The following ZNF717 variants were observed in gnomAD, a reference collection of about 807,000 sequenced individuals.
The protein encoded by ZNF717 is krueppel-like factor X17.
Under a neutral mutation model 13.8 loss-of-function variants are expected in ZNF717, and 9 were observed. That is an observed-to-expected ratio of 0.65 (90% CI 0.39 to 1.14). The LOEUF (loss-of-function observed/expected upper bound fraction) is 1.14, where lower values mean the gene tolerates loss of function less well. ZNF717 is among the 50% of genes most tolerant of loss of function. The pLI is 0.01. For missense variants in ZNF717, 1,040 were observed against 1,080.7 expected (o/e 0.96, Z 0.53); for synonymous variants, 327 against 364.1 (o/e 0.90, Z 1.16).
rs79432557 is a variant in ZNF717, at chr3:75,738,360, C to G, written c.1263G>C (p.Lys421Asn). The change falls in exon 5 of 5, where the codon AAG becomes AAC. Residue 421 changes from lysine to asparagine, a missense_variant. By Grantham distance (94) the Lys-to-Asn change is moderately conservative (BLOSUM62 0). Coordinates refer to ENST00000652011, the MANE Select transcript of ZNF717 (RefSeq NM_001290208.3). ...CTTCACAATGGTCACATGCATAGGGCTTTTCCCCTGTGTGAGTTCTATGAT... is the reference window on the plus strand; with the variant it reads ...CTTCACAATGGTCACATGCATAGGGGTTTTCCCCTGTGTGAGTTCTATGAT... ...TIHHRTHTGE[K>N]PYACDHCEEA... The G allele has an allele frequency of 8.3e-5, 122 of 1,472,002 alleles. No individual in the cohort carries two copies. Among genetic ancestry groups the G allele is most frequent in the Middle Eastern group, 1.7e-4 (1 of 5,804 alleles). The allele number at this position is 1,472,002 out of a possible 1,614,324, so 91.2% of individuals were successfully genotyped here. A position where few individuals can be genotyped will look rare whatever the true frequency, so the allele number is the denominator to read the frequency against.
At chr3:75,745,522 T>C (rs1575803540) in intron 2 of ZNF717, among the ~76,000 whole-genome samples, 1 of 146,776 alleles carries the variant, frequency 6.8e-6, no homozygotes, top group Non-Finnish European at 1.5e-5. Context: ...AAGAATGCAA[T>C]AGGTCATCAT....
At chr3:75,745,197 A>G (rs1483293228) in intron 2 of ZNF717, among the ~76,000 whole-genome samples, 3 of 148,716 alleles carry the variant, frequency 2.0e-5, no homozygotes, top group Non-Finnish European at 4.5e-5. Flanking sequence ...TACTTTATTA[A>G]TATTTATTTT....
At chr3:75,775,980 C>A (rs1305947643) in intron 2 of ZNF717, among the ~76,000 whole-genome samples, 3 of 152,144 alleles carry the variant, frequency 2.0e-5, no homozygotes, top group Non-Finnish European at 1.5e-5. Flanking sequence ...GCTAAATCAC[C>A]AATACTGAAA....
At chr3:75,747,499 A>G (rs553988825) in intron 2 of ZNF717, among the ~76,000 whole-genome samples, 18 of 152,254 alleles carry the variant, frequency 1.2e-4, no homozygotes, top group African/African-American at 3.8e-4. Flanking sequence ...TGAGCATGCA[A>G]TGTTCTTCTA....
At chr3:75,762,440 C>CA (rs36024450) in intron 2 of ZNF717, among the ~76,000 whole-genome samples, 1,856 of 116,440 alleles carry the variant, frequency 0.016, 30 homozygotes, top group African/African-American at 0.033. Context: ...GACTCCATCT[C>CA]AAAAAAAAAA....
At position 75,736,832 on chromosome 3, in the gene ZNF717, C is replaced by A. The variant is rs1436687311; in HGVS notation, c.*46G>T. 6 of 1,490,392 alleles carry A rather than the reference C, an allele frequency of 4.0e-6. No homozygotes were observed. Among genetic ancestry groups the A allele is most frequent in the African/African-American group, 1.4e-5 (1 of 70,886 alleles). The allele number at this position is 1,490,392 out of a possible 1,614,324, so 92.3% of individuals were successfully genotyped here. A position where few individuals can be genotyped will look rare whatever the true frequency, so the allele number is the denominator to read the frequency against. ...TGTGTCCATATTCTCCTAGACTGAG[C>A]ATGGAGAAATCTGTAATAGTAGCCA... is the stretch of plus-strand genomic sequence containing the variant. On this transcript the variant is annotated 3_prime_UTR_variant, in exon 5 of 5. Coordinates refer to ENST00000652011, the MANE Select transcript of ZNF717 (RefSeq NM_001290208.3).
At chr3:75,779,287 G>C (rs1382558386) in intron 2 of ZNF717, among the ~76,000 whole-genome samples, 2 of 151,546 alleles carry the variant, frequency 1.3e-5, no homozygotes, top group African/African-American at 2.4e-5. Context: ...AAAACAATGG[G>C]AGTGATCTGC....
intron 2 of ZNF717, among the ~76,000 whole-genome samples, chr3:75,746,980 G>A: frequency 6.6e-6 from 1 of 152,062 alleles, no homozygotes; most frequent in Non-Finnish European, 1.5e-5. Context: ...TTTCTTCTAG[G>A]GTTTTTATGG....
intron 2 of ZNF717, among the ~76,000 whole-genome samples, chr3:75,756,402 T>G (rs1942477175): frequency 1.3e-5 from 2 of 152,240 alleles, no homozygotes; most frequent in Non-Finnish European, 2.9e-5. Context: ...GTCTGCCACT[T>G]TAAACCAAAA....
chr3:75,737,149 T>A lies in ZNF717; in HGVS notation c.2474A>T (p.Gln825Leu). ...GTGATGTACAAAGAGTTTTGACTTCTGGGAGAAGGTTTTCCTACATTCTTT... is the reference window on the plus strand; with the variant it reads ...GTGATGTACAAAGAGTTTTGACTTCAGGGAGAAGGTTTTCCTACATTCTTT... ...ECKECRKTFS[Q>L]KSKLFVHHRT... The change falls in exon 5 of 5, where the codon CAG becomes CTG. Residue 825 changes from glutamine to leucine, a missense_variant. Coordinates refer to ENST00000652011, the MANE Select transcript of ZNF717 (RefSeq NM_001290208.3). 6.4e-7 allele frequency: 1 copy of A among 1,561,576 alleles called. No homozygotes were observed. Among genetic ancestry groups the A allele is most frequent in the Admixed American group, 1.9e-5 (1 of 51,748 alleles).
downstream of ZNF717, among the ~76,000 whole-genome samples, chr3:75,705,729 G>A (rs78343909): frequency 6.6e-6 from 1 of 152,308 alleles, no homozygotes; most frequent in African/African-American, 2.4e-5. Context: ...TGCCCTCTCT[G>A]GGAAGTGACA....
intron 2 of ZNF717, among the ~76,000 whole-genome samples, chr3:75,765,839 T>C (rs897057669): frequency 6.6e-6 from 1 of 152,258 alleles, no homozygotes; most frequent in Non-Finnish European, 1.5e-5. Context: ...CCAGGCATGG[T>C]GGCTCATGCC....
chr3:75,702,859 G>A (rs1937723683), intron 6 of ZNF717, among the ~76,000 whole-genome samples: 1 of 152,306 alleles, frequency 6.6e-6, no homozygotes, highest in African/African-American at 2.4e-5. Flanking sequence ...GTTAACTTTG[G>A]AATGTCCTTA....
At chr3:75,763,861 G>A (rs549421142) in intron 2 of ZNF717, among the ~76,000 whole-genome samples, 2 of 152,378 alleles carry the variant, frequency 1.3e-5, no homozygotes, top group Admixed American at 1.3e-4. Context: ...CTGATTTGAA[G>A]AGGATTTATT....
intron 2 of ZNF717, among the ~76,000 whole-genome samples, chr3:75,756,292 TTCTC>T (rs144203247): frequency 3.5e-5 from 5 of 144,404 alleles, no homozygotes; most frequent in African/African-American, 7.7e-5. Context: ...CCATTTCTCT[TTCTC>T]TCTTTTTCTC....
intron 1 of ZNF717, chr3:75,784,734 C>T (rs1396910366): frequency 9.2e-5 from 14 of 152,142 alleles, no homozygotes; most frequent in Admixed American, 9.2e-4. Context: ...CTTGTGCATT[C>T]TAGGGAGTAG....
chr3:75,705,504 C>T (rs79938548), downstream of ZNF717, among the ~76,000 whole-genome samples: 5 of 151,922 alleles, frequency 3.3e-5, no homozygotes, highest in Non-Finnish European at 7.4e-5. Flanking sequence ...GTTCAAGCAC[C>T]CCATAAGAAC....
downstream of ZNF717, among the ~76,000 whole-genome samples, chr3:75,706,125 C>A (rs1575713370): frequency 6.6e-6 from 1 of 152,310 alleles, no homozygotes; most frequent in African/African-American, 2.4e-5. Flanking sequence ...CATTTGACTC[C>A]TTGAAGGAAT....
At chr3:75,726,199 T>C (rs1301427705), downstream of ZNF717, among the ~76,000 whole-genome samples, 2 of 152,292 alleles carry the variant, frequency 1.3e-5, no homozygotes, top group African/African-American at 4.8e-5. Context: ...TGATTCTTTC[T>C]TTCCTATCAT....
Sources: allele counts gnomAD v4.1 joint callset (sites outside exome capture counted in the v4.1 genomes callset), GRCh38; gene constraint gnomAD v4.1.1; transcripts MANE v1.5; gene names NCBI Gene and HGNC (gene_info 2026-07-23, HGNC 2026-07-21).